LIMCH1: variants seen among roughly 807,000 people sequenced by gnomAD.
LIMCH1 encodes LIM and calponin homology domains-containing protein 1.
Under a neutral mutation model 176.5 loss-of-function variants are expected in LIMCH1, and 113 were observed. The ratio of observed to expected loss-of-function variants is 0.64; its 90% CI spans 0.55 to 0.75. The LOEUF (loss-of-function observed/expected upper bound fraction) is 0.75. LIMCH1 is among the 30% of genes least tolerant of loss of function. LIMCH1 has a pLI of 0.00. For synonymous variants in LIMCH1, 619 were observed against 645.9 expected, an observed-to-expected ratio of 0.96 and a Z score of 0.63; for missense variants, 1,674 against 1,814.9, an observed-to-expected ratio of 0.92 and a Z score of 1.41.
At chr4:41,415,719 T>C (rs1412646569) in intron 1 of LIMCH1, among the ~76,000 whole-genome samples, 1 of 152,190 alleles carries the variant, frequency 6.6e-6, no homozygotes, top group Non-Finnish European at 1.5e-5. Context: ...GGCTCACGCC[T>C]GTAATCCCAG....
chr4:41,609,563 A>C (rs1376286827), intron 4 of LIMCH1: 1 of 443,984 alleles, frequency 2.3e-6, no homozygotes, highest in African/African-American at 2.0e-5. Context: ...TGAGCAGTAA[A>C]AGAGAAGCAT....
chr4:41,603,059 G>T (rs944104941), intron 2 of LIMCH1, among the ~76,000 whole-genome samples: 3 of 152,210 alleles, frequency 2.0e-5, no homozygotes, highest in Admixed American at 2.0e-4. Context: ...GTCAGTGTAT[G>T]CTGCAATGAA....
chr4:41,458,746 C>G (rs1319365278), intron 1 of LIMCH1, among the ~76,000 whole-genome samples: 1 of 146,384 alleles, frequency 6.8e-6, no homozygotes, highest in African/African-American at 2.6e-5. Flanking sequence ...TGCACTCCAG[C>G]CTGGTGACAG....
intron 2 of LIMCH1, among the ~76,000 whole-genome samples, chr4:41,504,704 C>G (rs2073917391): frequency 6.6e-6 from 1 of 152,322 alleles, no homozygotes; most frequent in South Asian, 2.1e-4. Context: ...TATGCTCTCC[C>G]TTATTCTCTG....
At chr4:41,458,951 G>C (rs1350521375) in intron 1 of LIMCH1, among the ~76,000 whole-genome samples, 1 of 151,988 alleles carries the variant, frequency 6.6e-6, no homozygotes, top group African/African-American at 2.4e-5. Context: ...TCATTTAGTT[G>C]CTGTTCAACC....
chr4:41,369,160 A>C (rs1401241671), intron 1 of LIMCH1, among the ~76,000 whole-genome samples: 1 of 152,080 alleles, frequency 6.6e-6, no homozygotes, highest in Non-Finnish European at 1.5e-5. Context: ...TCCTTTCAAC[A>C]CTTGAACTAC....
At chr4:41,660,785 G>C (rs751177535) in intron 18 of LIMCH1, among the ~76,000 whole-genome samples, 5 of 152,202 alleles carry the variant, frequency 3.3e-5, no homozygotes, top group Non-Finnish European at 7.3e-5. Flanking sequence ...TGATATATTT[G>C]AGGGTAATTC....
chr4:41,642,179 C>T (rs1029976064), intron 14 of LIMCH1, among the ~76,000 whole-genome samples: 2 of 152,162 alleles, frequency 1.3e-5, no homozygotes, highest in African/African-American at 4.8e-5. Flanking sequence ...TTTTCTCTCC[C>T]ATAATCTACA....
intron 1 of LIMCH1, among the ~76,000 whole-genome samples, chr4:41,410,361 T>A (rs1199258715): frequency 6.6e-6 from 1 of 152,232 alleles, no homozygotes; most frequent in Non-Finnish European, 1.5e-5. Context: ...CATTCTCCAG[T>A]ATAGCTTCTT....
chr4:41,439,402 A>G (rs1339916856), intron 1 of LIMCH1, among the ~76,000 whole-genome samples: 3 of 152,126 alleles, frequency 2.0e-5, no homozygotes, highest in Non-Finnish European at 4.4e-5. Flanking sequence ...CCTGGGCAAC[A>G]TGGTGAAACC....
At chr4:41,575,848 G>C (rs1458249523) in intron 1 of LIMCH1, among the ~76,000 whole-genome samples, 1 of 152,078 alleles carries the variant, frequency 6.6e-6, no homozygotes, top group African/African-American at 2.4e-5. Context: ...CTATACTTTG[G>C]GCTTCAGGTC....
At chr4:41,639,723 A>T (rs7663160) in intron 14 of LIMCH1, among the ~76,000 whole-genome samples, 62,852 of 151,512 alleles carry the variant, frequency 0.41, 13,149 homozygotes, top group South Asian at 0.46. Context: ...ACTTTTTTTT[A>T]TTTGCAAAAT....
intron 1 of LIMCH1, among the ~76,000 whole-genome samples, chr4:41,455,541 C>T (rs886833419): frequency 2.0e-5 from 3 of 152,152 alleles, no homozygotes; most frequent in Non-Finnish European, 4.4e-5. Context: ...GTGGCTTAAA[C>T]GCTCAGCTAT....
At chr4:41,408,662 G>C (rs1399611690) in intron 1 of LIMCH1, among the ~76,000 whole-genome samples, 2 of 152,206 alleles carry the variant, frequency 1.3e-5, no homozygotes, top group Non-Finnish European at 2.9e-5. Flanking sequence ...AACTAAGTAA[G>C]GTTGTTTCTT....
chr4:41,683,793 GC>G (rs1718270981), intron 26 of LIMCH1, among the ~76,000 whole-genome samples: 1 of 152,214 alleles, frequency 6.6e-6, no homozygotes, highest in African/African-American at 2.4e-5. Context: ...TCAGTTTTAT[GC>G]AATGAAAACC....
At chr4:41,614,363 C>G (rs1449813342) in intron 5 of LIMCH1, among the ~76,000 whole-genome samples, 1 of 152,072 alleles carries the variant, frequency 6.6e-6, no homozygotes, top group Non-Finnish European at 1.5e-5. Context: ...TTTTCAGAAG[C>G]CATTTGTCTT....
At chr4:41,559,486 T>C (rs971544276) in intron 1 of LIMCH1, among the ~76,000 whole-genome samples, 1 of 152,104 alleles carries the variant, frequency 6.6e-6, no homozygotes, top group Non-Finnish European at 1.5e-5. Context: ...CCTCTTTTAC[T>C]CTTAAATCCC....
At chr4:41,643,354 A>G (rs2093917701) in intron 14 of LIMCH1, among the ~76,000 whole-genome samples, 1 of 152,168 alleles carries the variant, frequency 6.6e-6, no homozygotes, top group South Asian at 2.1e-4. Context: ...GGTTTCAAAA[A>G]TGGACTGTCA....
intron 15 of LIMCH1, 131 bp downstream of exon 15, chr4:41,644,757 G>A (rs748963827): frequency 1.1e-5 from 12 of 1,084,492 alleles, no homozygotes; most frequent in African/African-American, 3.3e-5. Context: ...AAGGTGACAC[G>A]GTAAATGTGG....
Sources: gnomAD v4.1 joint callset for allele counts (sites outside exome capture counted in the v4.1 genomes callset) on GRCh38, gnomAD v4.1.1 for gene constraint, MANE v1.5 for transcripts, NCBI Gene and HGNC (gene_info 2026-07-23, HGNC 2026-07-21) for gene names.